Variants in SAMTOR observed in about 807,000 individuals in gnomAD.
SAMTOR encodes UPF0532 protein C7orf60.
chr7:112,831,809 A>G, the SAMTOR span, among the ~76,000 whole-genome samples: 1 of 152,188 alleles, frequency 6.6e-6, no homozygotes. Context: ...AAGTAGTTTC[A>G]TCGACTCAAG....
the SAMTOR span, among the ~76,000 whole-genome samples, chr7:112,912,483 C>T: frequency 2.0e-5 from 3 of 151,916 alleles, no homozygotes; most frequent in Middle Eastern, 6.8e-3. Flanking sequence ...AACTTTTGTC[C>T]AACCCTTTTT....
chr7:112,838,314 A>T, the SAMTOR span, among the ~76,000 whole-genome samples: 9 of 151,944 alleles, frequency 5.9e-5, no homozygotes, highest in Non-Finnish European at 1.3e-4. Context: ...ATCTATGTTT[A>T]TAAGTGGGCA....
chr7:112,827,776 C>A, the SAMTOR span, among the ~76,000 whole-genome samples: 1 of 152,158 alleles, frequency 6.6e-6, no homozygotes, highest in East Asian at 1.9e-4. Flanking sequence ...GGCTGGAGTG[C>A]AGTGGCACAA....
chr7:112,879,268 A>G, the SAMTOR span, among the ~76,000 whole-genome samples: 1 of 151,222 alleles, frequency 6.6e-6, no homozygotes, highest in African/African-American at 2.4e-5. Flanking sequence ...ATATATGTGG[A>G]AACAAAGCTA....
the SAMTOR span, among the ~76,000 whole-genome samples, chr7:112,923,764 T>C: frequency 6.6e-6 from 1 of 151,974 alleles, no homozygotes; most frequent in African/African-American, 2.4e-5. Flanking sequence ...TGCGGCACTA[T>C]TCACAATAGC....
chr7:112,863,810 G>A, the SAMTOR span, among the ~76,000 whole-genome samples: 1 of 152,224 alleles, frequency 6.6e-6, no homozygotes, highest in South Asian at 2.1e-4. Flanking sequence ...CACACTCCTG[G>A]TGGGAGCGTA....
the SAMTOR span, among the ~76,000 whole-genome samples, chr7:112,919,591 C>T: frequency 6.6e-6 from 1 of 152,090 alleles, no homozygotes; most frequent in Non-Finnish European, 1.5e-5. Flanking sequence ...CAAGAAATAA[C>T]TAAAATCAGA....
At chr7:112,879,843 ATT>A in the SAMTOR span, among the ~76,000 whole-genome samples, 1 of 152,174 alleles carries the variant, frequency 6.6e-6, no homozygotes, top group Admixed American at 6.5e-5. Flanking sequence ...GAAAATAGTC[ATT>A]TGTTAGTTAA....
At chr7:112,836,793 G>C in the SAMTOR span, among the ~76,000 whole-genome samples, 1 of 151,974 alleles carries the variant, frequency 6.6e-6, no homozygotes, top group Non-Finnish European at 1.5e-5. Context: ...TCTGTCCATT[G>C]GTCTGTGTGT....
the SAMTOR span, among the ~76,000 whole-genome samples, chr7:112,877,355 A>G: frequency 6.6e-6 from 1 of 152,172 alleles, no homozygotes; most frequent in Admixed American, 6.5e-5. Flanking sequence ...GGGGTTTTCA[A>G]ATGTTTTGGT....
chr7:112,859,858 G>A, the SAMTOR span, among the ~76,000 whole-genome samples: 6 of 152,218 alleles, frequency 3.9e-5, no homozygotes, highest in Non-Finnish European at 7.4e-5. Context: ...AGTAAGCTAC[G>A]ATTGATTTTA....
At chr7:112,835,874 C>CCAGT in the SAMTOR span, among the ~76,000 whole-genome samples, 5 of 152,182 alleles carry the variant, frequency 3.3e-5, no homozygotes, top group South Asian at 1.0e-3. Flanking sequence ...TTTTCTTTAT[C>CCAGT]CAGTCTACTG....
At chr7:112,885,762 C>CT in the SAMTOR span, among the ~76,000 whole-genome samples, 1 of 152,190 alleles carries the variant, frequency 6.6e-6, no homozygotes, top group Non-Finnish European at 1.5e-5. Context: ...CTGTCTTCTT[C>CT]TGAGCCCTCC....
At chr7:112,890,285 T>C in the SAMTOR span, among the ~76,000 whole-genome samples, 1 of 152,128 alleles carries the variant, frequency 6.6e-6, no homozygotes, top group Non-Finnish European at 1.5e-5. Flanking sequence ...GAGCGCAACC[T>C]CTAACCTATC....
At chr7:112,874,303 C>T in the SAMTOR span, among the ~76,000 whole-genome samples, 2 of 152,184 alleles carry the variant, frequency 1.3e-5, no homozygotes, top group African/African-American at 4.8e-5. Context: ...AGGTGTCCAT[C>T]AATAGTGGAC....
At chr7:112,908,269 G>C in the SAMTOR span, among the ~76,000 whole-genome samples, 1 of 152,232 alleles carries the variant, frequency 6.6e-6, no homozygotes, top group African/African-American at 2.4e-5. Flanking sequence ...TGCCTGAATA[G>C]AACAAAAAAG....
At chr7:112,874,691 A>G in the SAMTOR span, among the ~76,000 whole-genome samples, 1 of 152,114 alleles carries the variant, frequency 6.6e-6, no homozygotes, top group African/African-American at 2.4e-5. Context: ...AAACTTAGCC[A>G]TCTGTAACTT....
chr7:112,912,961 A>C, the SAMTOR span, among the ~76,000 whole-genome samples: 1 of 152,184 alleles, frequency 6.6e-6, no homozygotes, highest in Non-Finnish European at 1.5e-5. Context: ...CTGTACTGTA[A>C]TAGTAATTTA....
At chr7:112,849,925 A>G in the SAMTOR span, among the ~76,000 whole-genome samples, 1 of 152,126 alleles carries the variant, frequency 6.6e-6, no homozygotes, top group African/African-American at 2.4e-5. Context: ...CCATCTTTGC[A>G]GTTGGGCATG....
Sources: gnomAD v4.1 joint callset for allele counts (sites outside exome capture counted in the v4.1 genomes callset) on GRCh38, gnomAD v4.1.1 for gene constraint, MANE v1.5 for transcripts, NCBI Gene and HGNC (gene_info 2026-07-23, HGNC 2026-07-21) for gene names.